Variants in LCORL observed in about 807,000 individuals in gnomAD.
The protein encoded by LCORL is ligand dependent nuclear receptor corepressor like, also known as ligand-dependent nuclear receptor corepressor-like protein.
A neutral mutation model predicts 141.8 loss-of-function variants in LCORL; 41 were observed. The ratio of observed to expected loss-of-function variants is 0.29; its 90% CI spans 0.23 to 0.38. The LOEUF is 0.38. LCORL is among the 10% of genes least tolerant of loss of function. LCORL has a pLI of 1.00. For missense variants in LCORL, 1,759 were observed against 2,035.0 expected, an observed-to-expected ratio of 0.86 and a Z score of 2.61; for synonymous variants, 618 against 694.1, an observed-to-expected ratio of 0.89 and a Z score of 1.72.
intron 7 of LCORL, among the ~76,000 whole-genome samples, chr4:17,867,323 G>A (rs528950490): frequency 1.3e-5 from 2 of 151,888 alleles, no homozygotes; most frequent in African/African-American, 2.4e-5. Flanking sequence ...GAACAGAGTC[G>A]GCAAACTTTT....
intron 4 of LCORL, among the ~76,000 whole-genome samples, chr4:17,933,471 G>C (rs969055278): frequency 6.6e-6 from 1 of 151,930 alleles, no homozygotes; most frequent in Non-Finnish European, 1.5e-5. Context: ...TTGAAATTAA[G>C]TCTTTATTTC....
intron 6 of LCORL, among the ~76,000 whole-genome samples, chr4:17,879,914 C>T (rs934912114): frequency 6.6e-6 from 1 of 150,842 alleles, no homozygotes; most frequent in Non-Finnish European, 1.5e-5. Context: ...TTAATAAAGC[C>T]AGGTATGTGG....
intron 7 of LCORL, among the ~76,000 whole-genome samples, chr4:17,860,258 T>C (rs1724850938): frequency 6.6e-6 from 1 of 152,184 alleles, no homozygotes; most frequent in African/African-American, 2.4e-5. Flanking sequence ...GATAGAGACA[T>C]ACCCGAGACT....
At chr4:17,903,744 A>G (rs1731210407) in intron 5 of LCORL, among the ~76,000 whole-genome samples, 1 of 152,046 alleles carries the variant, frequency 6.6e-6, no homozygotes, top group South Asian at 2.1e-4. Flanking sequence ...GGGTAACCAT[A>G]TTTTAAGTGA....
At chr4:17,970,178 C>T (rs1049420523) in intron 2 of LCORL, among the ~76,000 whole-genome samples, 3 of 152,144 alleles carry the variant, frequency 2.0e-5, no homozygotes, top group African/African-American at 7.2e-5. Flanking sequence ...GTAGCAACAG[C>T]ACATAAAACT....
intron 6 of LCORL, chr4:17,883,289 G>A: frequency 1.0e-6 from 1 of 990,216 alleles, no homozygotes; most frequent in Non-Finnish European, 1.2e-6. Context: ...TAAGTCTGTT[G>A]TATAGAATGT....
Position 17,874,411 on chromosome 4 carries a change from G to A in LCORL, c.4579C>T (p.Arg1527Ter), listed in dbSNP as rs1209385252. The A allele has an allele frequency of 3.2e-6, 4 of 1,233,716 alleles. No homozygotes were observed. The highest frequency in any genetic ancestry group is 3.0e-6 in the Non-Finnish European group (3 of 987,800). The allele number at this position is 1,233,716 out of a possible 1,614,324, so 76.4% of individuals were successfully genotyped here. A position where few individuals can be genotyped will look rare whatever the true frequency, so the allele number is the denominator to read the frequency against. ...GTATTTATTACTTCCAAAGGGTTTCGGGCATTTGCTTTTCTAACTAGTGAA... is the reference window on the plus strand; with the variant it reads ...GTATTTATTACTTCCAAAGGGTTTCAGGCATTTGCTTTTCTAACTAGTGAA... Residue 1527 changes from arginine (R) to a stop codon, truncating the protein, a stop_gained, in exon 7 of 8, where the codon CGA (arginine) becomes TGA (stop). Coordinates refer to ENST00000635767, the Ensembl canonical transcript of LCORL. LOFTEE classifies it high-confidence loss of function.
chr4:17,975,402 G>GTT (rs966643621), intron 1 of LCORL, among the ~76,000 whole-genome samples: 3 of 144,400 alleles, frequency 2.1e-5, no homozygotes, highest in South Asian at 2.2e-4. Flanking sequence ...GAATTCTTTT[G>GTT]TTTTTTTTTT....
intron 1 of LCORL, among the ~76,000 whole-genome samples, chr4:17,990,704 G>C (rs1479349279): frequency 6.7e-6 from 1 of 150,238 alleles, no homozygotes; most frequent in African/African-American, 2.5e-5. Flanking sequence ...AGGTAAGCAG[G>C]TCTCAGCCTT....
Position 17,893,572 on chromosome 4 carries a change from C to T in LCORL, c.683-7411G>A, listed in dbSNP as rs559740508. 9.0e-5 allele frequency: 89 copies of T among 985,246 alleles called. No individual in the cohort carries two copies. The South Asian group carries it at 3.6e-3, about 40-fold the overall frequency. The allele number at this position is 985,246 out of a possible 1,614,324, so 61.0% of individuals were successfully genotyped here. On this transcript the variant is annotated intron_variant, in intron 5 of 7. Coordinates refer to ENST00000635767, the Ensembl canonical transcript of LCORL. ...TTGGAAGGACTGAACACAGGAGCAC[C>T]TGCAGATAGCTCTGGGTGGAAGAAT...
chr4:17,941,063 A>G (rs137872868), intron 4 of LCORL, among the ~76,000 whole-genome samples: 324 of 152,330 alleles, frequency 2.1e-3, no homozygotes, highest in African/African-American at 7.3e-3. Flanking sequence ...TCAGAAAAAG[A>G]AAACAAATGT....
chr4:17,847,096 A>G (rs1179209957), intron 7 of LCORL, among the ~76,000 whole-genome samples: 2 of 152,156 alleles, frequency 1.3e-5, no homozygotes, highest in African/African-American at 2.4e-5. Context: ...GAGCTAGTCC[A>G]CTCTGTGTAA....
chr4:18,018,391 T>C (rs1311308516), intron 1 of LCORL, among the ~76,000 whole-genome samples: 1 of 152,120 alleles, frequency 6.6e-6, no homozygotes, highest in Admixed American at 6.5e-5. Flanking sequence ...AGTCAAATTA[T>C]AGAAAGTACC....
At chr4:17,986,210 T>A (rs1457811425) in intron 1 of LCORL, among the ~76,000 whole-genome samples, 1 of 152,160 alleles carries the variant, frequency 6.6e-6, no homozygotes, top group Non-Finnish European at 1.5e-5. Context: ...CATTCCAACC[T>A]TGGAAAATGT....
chr4:17,930,139 CT>C (rs1450768935), intron 4 of LCORL, among the ~76,000 whole-genome samples: 1 of 152,152 alleles, frequency 6.6e-6, no homozygotes, highest in Non-Finnish European at 1.5e-5. Flanking sequence ...AACTGGAACC[CT>C]CATACAATGT....
chr4:17,970,521 C>T (rs748693752), intron 2 of LCORL, among the ~76,000 whole-genome samples: 5 of 152,160 alleles, frequency 3.3e-5, no homozygotes, highest in African/African-American at 9.7e-5. Context: ...CCAAGTTCCA[C>T]GCTGCCTGTA....
chr4:17,864,644 C>T (rs1270325455), intron 7 of LCORL, among the ~76,000 whole-genome samples: 2 of 152,162 alleles, frequency 1.3e-5, no homozygotes, highest in African/African-American at 4.8e-5. Context: ...GATTTAAACC[C>T]AACCATGTTA....
chr4:17,842,464 TGA>T, exon 8 of LCORL: 3 of 1,037,602 alleles, frequency 2.9e-6, no homozygotes, highest in Non-Finnish European at 4.5e-6. Flanking sequence ...TTCTTGCGAA[TGA>T]GAGAGAATAT....
chr4:17,992,367 C>G (rs2109783076), intron 1 of LCORL, among the ~76,000 whole-genome samples: 1 of 152,308 alleles, frequency 6.6e-6, no homozygotes, highest in South Asian at 2.1e-4. Context: ...CACAAGGTCC[C>G]TCCCCTAACA....
Sources: gnomAD v4.1 joint callset for allele counts (sites outside exome capture counted in the v4.1 genomes callset) on GRCh38, gnomAD v4.1.1 for gene constraint, MANE v1.5 for transcripts, NCBI Gene and HGNC (gene_info 2026-07-23, HGNC 2026-07-21) for gene names.